HOMEZ: variants seen among roughly 807,000 people sequenced by gnomAD.
HOMEZ encodes homeobox and leucine zipper encoding.
In HOMEZ, 20 loss-of-function variants were observed where a neutral mutation model predicts 50.1. The observed-to-expected ratio is 0.40, with a 90% CI of 0.28 to 0.58. The LOEUF is 0.58. Ranked by LOEUF, HOMEZ falls within the 20% of genes least tolerant of loss-of-function variation. The probability of loss-of-function intolerance (pLI) is 0.46; values close to 1 mark genes in which losing one functional copy is unlikely to be tolerated. For synonymous variants in HOMEZ, 239 were observed against 254.7 expected (o/e 0.94, Z 0.59); for missense variants, 579 against 680.5 (o/e 0.85, Z 1.66).
chr14:23,280,748 A>ATTTTATTT (rs1886521609), intron 1 of HOMEZ, among the ~76,000 whole-genome samples: 1 of 87,120 alleles, frequency 1.1e-5, no homozygotes, highest in Admixed American at 1.3e-4. Flanking sequence ...TTATTATTTT[A>ATTTTATTT]TTTTATTTTA....
At chr14:23,284,670 A>T (rs1886622954) in intron 1 of HOMEZ, among the ~76,000 whole-genome samples, 1 of 152,246 alleles carries the variant, frequency 6.6e-6, no homozygotes, top group Non-Finnish European at 1.5e-5. Context: ...ATGAAAACTA[A>T]GTCAAATGTT....
At position 23,274,883 on chromosome 14, in the gene HOMEZ, GC is replaced by G. The variant is rs1393462069; in HGVS notation, c.*691del. On this transcript the variant is annotated 3_prime_UTR_variant, in exon 2 of 2. Transcript: ENST00000357460. ...ATTGCGCCATTGCACTACAGCCTGG[GC>G]GACAGAGCAAGACTCCACCTCAAAA... 2 of 151,576 alleles carry G rather than the reference GC, an allele frequency of 1.3e-5. No homozygotes were observed. Among genetic ancestry groups the G allele is most frequent in the Non-Finnish European group, 1.5e-5 (1 of 68,014 alleles). The allele number at this position is 151,576 out of a possible 1,614,324, so 9.4% of individuals were successfully genotyped here.
At position 23,280,768 on chromosome 14, in the gene HOMEZ, ATTTTATTTTATTTTATT is replaced by A. The variant is rs1886530800; in HGVS notation, c.41-3598_41-3582del. ...ATTTTATTTTATTTTATTTTATTTT[ATTTTATTTTATTTTATT>A]TTATTTGGAGACGGAGTCTTGCTCT... On this transcript the variant is annotated intron_variant, in intron 1 of 1. Coordinates refer to ENST00000357460, the MANE Select transcript of HOMEZ (RefSeq NM_020834.3). Among the ~76,000 whole-genome samples, 3 of 93,716 alleles carry A rather than the reference ATTTTATTTTATTTTATT, an allele frequency of 3.2e-5. 1 individual carries two copies. Among genetic ancestry groups the A allele is most frequent in the Admixed American group, 1.2e-4 (1 of 8,018 alleles). The allele number at this position is 93,716 out of a possible 152,430, so 61.5% of individuals were successfully genotyped here. A position where few individuals can be genotyped will look rare whatever the true frequency, so the allele number is the denominator to read the frequency against.
rs1383934895 is a variant in HOMEZ, at chr14:23,274,940, CTG to C, written c.*633_*634del. The C allele has an allele frequency of 6.6e-6, 1 of 152,022 alleles. No individual in the cohort carries two copies. Among genetic ancestry groups the C allele is most frequent in the Non-Finnish European group, 1.5e-5 (1 of 68,076 alleles). 9.4% of individuals were successfully genotyped at this position (152,022 alleles called of 1,614,324 possible). The stretch of plus-strand genomic sequence containing the variant: ...AAAAAGAACTGAAAAATTCTGCCAC[CTG>C]TGATTTAGTCATGAAGCGGGTGAAA... On this transcript the variant is annotated 3_prime_UTR_variant, in exon 2 of 2. Coordinates refer to ENST00000357460, the MANE Select transcript of HOMEZ (RefSeq NM_020834.3).
At chr14:23,280,779 T>TTTTATTTTATTTTA (rs1566451352) in intron 1 of HOMEZ, among the ~76,000 whole-genome samples, 5 of 132,038 alleles carry the variant, frequency 3.8e-5, no homozygotes, top group African/African-American at 1.2e-4. Context: ...TTTTATTTTA[T>TTTTATTTTATTTTA]TTTATTTTAT....
chr14:23,276,043 TA>T lies in HOMEZ; in HGVS notation c.1184del (p.Leu395TyrfsTer17), dbSNP rs1313693122. The part of the protein sequence containing the change: ...DYQKLEQITG[L>X]PRPEIIQWFG... ...ACCACTGAATGATCTCAGGCCGAGG[TA>T]AACCAGTGATCTGTTCTAACTTTTG... On this transcript the variant is annotated frameshift_variant, in exon 2 of 2. Coordinates refer to ENST00000357460, the MANE Select transcript of HOMEZ (RefSeq NM_020834.3). LOFTEE classifies it high-confidence loss of function. The surrounding 1 kb of genome is among the most constrained non-coding windows in gnomAD (Gnocchi z 4.1). The T allele has an allele frequency of 1.9e-6, 3 of 1,613,830 alleles. No homozygotes were observed. Among genetic ancestry groups the T allele is most frequent in the Non-Finnish European group, 1.7e-6 (2 of 1,179,840 alleles).
Position 23,275,638 on chromosome 14 carries a change from TTCC to T in HOMEZ, c.1587_1589del (p.Glu537del), listed in dbSNP as rs2140500798. 6.8e-7 allele frequency: 1 copy of T among 1,477,238 alleles called. No individual in the cohort carries two copies. The highest frequency in any genetic ancestry group is 9.3e-7 in the Non-Finnish European group (1 of 1,078,064). The allele number at this position is 1,477,238 out of a possible 1,614,324, so 91.5% of individuals were successfully genotyped here. A position where few individuals can be genotyped will look rare whatever the true frequency, so the allele number is the denominator to read the frequency against. On this transcript the variant is annotated inframe_deletion, in exon 2 of 2. Transcript: ENST00000357460. Reference sequence around the variant, plus strand: ...CATCTTCCTCCTCCTCCTCCTCCTCTTCCTCATCATCTTCTGGCAGTTCTTCCT... The same window carrying T: ...CATCTTCCTCCTCCTCCTCCTCCTCTTCATCATCTTCTGGCAGTTCTTCCT...
rs763640317 is a variant in HOMEZ, at chr14:23,275,741, A to C, written c.1487T>G (p.Leu496Arg). 18 of 1,613,456 alleles carry C rather than the reference A, an allele frequency of 1.1e-5. No individual in the cohort carries two copies. The highest frequency in any genetic ancestry group is 1.5e-5 in the Non-Finnish European group (18 of 1,179,754). The change falls in exon 2 of 2, where the codon CTG becomes CGG. Residue 496 changes from leucine (L) to arginine (R), a missense_variant. By Grantham distance (102) the Leu-to-Arg change is moderately radical. Transcript: ENST00000357460. ...QASRLSTQQV[L>R]DWFDSRLPQP... The stretch of plus-strand genomic sequence containing the variant: ...AGGTAATCGAGAGTCAAACCAATCC[A>C]GCACCTGCTGGGTGCTAAGCCTTGA...
intron 1 of HOMEZ, 115 bp from the exon 2 acceptor site, chr14:23,277,302 G>A: frequency 2.0e-6 from 2 of 989,532 alleles, no homozygotes; most frequent in Non-Finnish European, 1.4e-6. Flanking sequence ...TTTGTATCAT[G>A]TTGTATTGCT....
chr14:23,276,628 T>C lies in HOMEZ; in HGVS notation c.600A>G (p.Lys200=). ...CAGGTGTCATCAGGGACTCCTTTAA[T>C]TTCTGGTGACTCTGTGGCAGTGGTG... ...QMPPLPQSHQ[K]LKESLMTPGS... is the part of the protein sequence containing the mutation. The change falls in exon 2 of 2, where the codon AAA becomes AAG. Residue 200 remains lysine, a synonymous_variant. Transcript: ENST00000357460. The surrounding 1 kb of genome is among the most constrained non-coding windows in gnomAD (Gnocchi z 4.1). The C allele has an allele frequency of 6.2e-7, 1 of 1,614,026 alleles. No homozygotes were observed. Among genetic ancestry groups the C allele is most frequent in the South Asian group, 1.1e-5 (1 of 91,082 alleles).
rs756143600 is a variant in HOMEZ at position 23,275,873 on chromosome 14, G to C, written c.1355C>G (p.Pro452Arg). The change falls in exon 2 of 2, where the codon CCA (proline) becomes CGA (arginine). Residue 452 changes from proline to arginine, a missense_variant. Pro to Arg is a moderately radical substitution (Grantham distance 103). Transcript: ENST00000357460. ...TGGGGGTGGAGGGATCGGCAGAGGTGGTGTCTCAGCCCTTTCGTTCAAGGA... is the reference window on the plus strand; with the variant it reads ...TGGGGGTGGAGGGATCGGCAGAGGTCGTGTCTCAGCCCTTTCGTTCAAGGA... ...TRSLNERAET[P>R]PLPIPPPPPD... The C allele has an allele frequency of 8.8e-6, 14 of 1,598,550 alleles. No individual in the cohort carries two copies. The highest frequency in any genetic ancestry group is 1.7e-5 in the Admixed American group (1 of 59,060).
chr14:23,279,903 C>T (rs538495554), intron 1 of HOMEZ, among the ~76,000 whole-genome samples: 13 of 152,340 alleles, frequency 8.5e-5, no homozygotes, highest in Admixed American at 8.5e-4. Context: ...CTGCCTCAAC[C>T]TCCTGAGTAG....
intron 1 of HOMEZ, among the ~76,000 whole-genome samples, chr14:23,284,055 C>A (rs1023512616): frequency 3.9e-5 from 6 of 152,156 alleles, no homozygotes; most frequent in African/African-American, 9.7e-5. Context: ...TGCTTCTTAA[C>A]TTTTTAGTTC....
rs769709421 is a variant in HOMEZ at position 23,280,699 on chromosome 14, T to TA, written c.41-3513_41-3512insT. ...CATCTGTTATATTTTATTTTTATTT[T>TA]TATATTTTTATTTTTATTTTATTTT... is the stretch of plus-strand genomic sequence containing the variant. On this transcript the variant is annotated intron_variant, in intron 1 of 1. Transcript: ENST00000357460. 8.3e-5 allele frequency among the ~76,000 whole-genome samples: 9 copies of TA among 108,958 alleles called. 1 individual carries two copies. Among genetic ancestry groups the TA allele is most frequent in the South Asian group, 3.5e-4 (1 of 2,872 alleles). 71.5% of individuals were successfully genotyped at this position (108,958 alleles called of 152,430 possible).
chr14:23,280,740 ATTATTTTATTTTATT>A (rs1277086572), intron 1 of HOMEZ, among the ~76,000 whole-genome samples: 2 of 41,264 alleles, frequency 4.8e-5, no homozygotes, highest in Non-Finnish European at 1.0e-4. Flanking sequence ...ATTTTATTTT[ATTATTTTATTTTATT>A]TTATTTTATT....
rs749120215 is a variant in HOMEZ at position 23,276,203 on chromosome 14, C to T, written c.1025G>A (p.Gly342Asp). The T allele has an allele frequency of 6.2e-6, 10 of 1,613,992 alleles. No individual in the cohort carries two copies. The highest frequency in any genetic ancestry group is 1.6e-4 in the Middle Eastern group (1 of 6,062). ...PQGLRHNSVP[G>D]RVGPTEYLSP... ...AAGGTACTCTGTGGGGCCAACTCTACCTGGTACTGAGTTATGCCGTAGCCC... is the reference window on the plus strand; with the variant it reads ...AAGGTACTCTGTGGGGCCAACTCTATCTGGTACTGAGTTATGCCGTAGCCC... Residue 342 changes from glycine to aspartate, a missense_variant, in exon 2 of 2, where the codon GGT becomes GAT. Physicochemically the swap from Gly to Asp is moderately conservative, Grantham distance 94. Coordinates refer to ENST00000357460, the MANE Select transcript of HOMEZ (RefSeq NM_020834.3). The surrounding 1 kb of genome is among the most constrained non-coding windows in gnomAD (Gnocchi z 4.1).
intron 1 of HOMEZ, among the ~76,000 whole-genome samples, chr14:23,281,666 G>A (rs1271003262): frequency 6.6e-6 from 1 of 151,826 alleles, no homozygotes; most frequent in East Asian, 1.9e-4. Context: ...TTTCTCATGA[G>A]AAAAAAAGCA....
Position 23,275,742 on chromosome 14 carries a change from G to T in HOMEZ, c.1486C>A (p.Leu496Met), listed in dbSNP as rs1307843600. The change falls in exon 2 of 2, where the codon CTG becomes ATG. Residue 496 changes from leucine (L) to methionine (M), a missense_variant. Coordinates refer to ENST00000357460, the MANE Select transcript of HOMEZ (RefSeq NM_020834.3). ...GGTAATCGAGAGTCAAACCAATCCA[G>T]CACCTGCTGGGTGCTAAGCCTTGAT... is the stretch of plus-strand genomic sequence containing the variant. ...QASRLSTQQVLDWFDSRLPQP... is the reference protein window; with the variant it reads ...QASRLSTQQVMDWFDSRLPQP... 6.2e-7 allele frequency: 1 copy of T among 1,613,540 alleles called. No individual in the cohort carries two copies. The highest frequency in any genetic ancestry group is 8.5e-7 in the Non-Finnish European group (1 of 1,179,720).
At chr14:23,280,570 A>G (rs1419888574) in intron 1 of HOMEZ, among the ~76,000 whole-genome samples, 1 of 151,894 alleles carries the variant, frequency 6.6e-6, no homozygotes, top group African/African-American at 2.4e-5. Flanking sequence ...TAACTGCTCA[A>G]GTTATTTCCC....
Sources: gnomAD v4.1 joint callset for allele counts (sites outside exome capture counted in the v4.1 genomes callset) on GRCh38, gnomAD v4.1.1 for gene constraint, Gnocchi (gnomAD v3.1) non-coding constraint, MANE v1.5 for transcripts, NCBI Gene and HGNC (gene_info 2026-07-23, HGNC 2026-07-21) for gene names.